CAND1: variants seen among roughly 807,000 people sequenced by gnomAD.
CAND1 encodes the protein cullin-associated NEDD8-dissociated protein 1.
In CAND1, 7 loss-of-function variants were observed where a neutral mutation model predicts 108.5. The ratio of observed to expected loss-of-function variants is 0.06; its 90% confidence interval spans 0.04 to 0.12. The LOEUF is 0.12. Ranked by LOEUF, CAND1 falls within the 10% of genes least tolerant of loss-of-function variation. The pLI is 1.00. For synonymous variants in CAND1, 534 were observed against 512.0 expected, an observed-to-expected ratio of 1.04 and a Z score of -0.58; for missense variants, 941 against 1,448.7, an observed-to-expected ratio of 0.65 and a Z score of 5.69.
In CAND1 at chr12:67,306,573, C is replaced by T. The variant is rs1257495215; in HGVS notation, c.2905C>T (p.Arg969Trp). The stretch of plus-strand genomic sequence containing the variant: ...AATTGATCCAGAAACTCTCCTTCCA[C>T]GGCTTAAGGGGTACTTGATATCAGG... ...TLIDPETLLP[R>W]LKGYLISGSS... The change falls in exon 10 of 15, where the codon CGG becomes TGG. Residue 969 changes from arginine to tryptophan, a missense_variant. Coordinates refer to ENST00000545606, the MANE Select transcript of CAND1 (RefSeq NM_018448.5). 13 of 1,612,548 alleles carry T rather than the reference C, an allele frequency of 8.1e-6. No individual in the cohort carries two copies. The highest frequency in any genetic ancestry group is 3.3e-5 in the Admixed American group (2 of 59,864).
At position 67,306,368 on chromosome 12, in the gene CAND1, T is replaced by G; in HGVS notation, c.2700T>G (p.Thr900=). ...EYLPFVLQEI[T]SQPKRQYLLL... is the part of the protein sequence containing the mutation. ...TGCCGTTTGTCCTGCAAGAAATAAC[T>G]AGTCAACCCAAAAGGCAGTATCTTT... The change falls in exon 10 of 15, where the codon ACT becomes ACG. Residue 900 remains threonine (T), a synonymous_variant. Transcript: ENST00000545606. 1 of 1,614,118 alleles carries G rather than the reference T, an allele frequency of 6.2e-7. No homozygotes were observed. The highest frequency in any genetic ancestry group is 2.2e-5 in the East Asian group (1 of 44,884).
At chr12:67,298,271 A>G (rs573041477) in intron 6 of CAND1, among the ~76,000 whole-genome samples, 42 of 152,256 alleles carry the variant, frequency 2.8e-4, no homozygotes, top group African/African-American at 1.0e-3. Context: ...ATTCTAATAT[A>G]TTTTTTAAAA....
intron 1 of CAND1, chr12:67,270,159 C>G (rs1357851689): frequency 2.1e-5 from 4 of 189,008 alleles, no homozygotes; most frequent in African/African-American, 9.4e-5. Flanking sequence ...GACCGGGCGC[C>G]GGGCCTATTC....
At chr12:67,301,185 C>T (rs1011053753) in intron 7 of CAND1, among the ~76,000 whole-genome samples, 36 of 152,040 alleles carry the variant, frequency 2.4e-4, no homozygotes, top group African/African-American at 8.0e-4. Context: ...AATAAGCAAA[C>T]GTCTTGCATT....
At chr12:67,299,891 A>C (rs915182646) in intron 7 of CAND1, among the ~76,000 whole-genome samples, 36 of 152,232 alleles carry the variant, frequency 2.4e-4, no homozygotes, top group African/African-American at 8.7e-4. Context: ...CTTTGAATGA[A>C]TTTACATAAC....
intron 3 of CAND1, among the ~76,000 whole-genome samples, chr12:67,293,613 C>T (rs1334873485): frequency 3.3e-5 from 5 of 152,012 alleles, no homozygotes; most frequent in Non-Finnish European, 1.5e-5. Flanking sequence ...ATTAGCCGGG[C>T]GTGGTGGTGC....
chr12:67,276,954 C>T (rs1186785973), intron 1 of CAND1, among the ~76,000 whole-genome samples: 3 of 152,162 alleles, frequency 2.0e-5, no homozygotes, highest in Non-Finnish European at 2.9e-5. Context: ...ATGTAGTTTG[C>T]AGTTTAACCA....
Position 67,292,717 on chromosome 12 carries a change from G to A in CAND1, c.308G>A (p.Arg103Gln). The A allele has an allele frequency of 1.2e-6, 2 of 1,613,706 alleles. No individual in the cohort carries two copies. Among genetic ancestry groups the A allele is most frequent in the Non-Finnish European group, 1.7e-6 (2 of 1,179,764 alleles). Reference sequence around the variant, plus strand: ...ATGCTTTCTGATAAAGAACAACTTCGAGACATTTCAAGTATTGGTCTTAAA... The same window carrying A: ...ATGCTTTCTGATAAAGAACAACTTCAAGACATTTCAAGTATTGGTCTTAAA... ...TNMLSDKEQL[R>Q]DISSIGLKTV... is the part of the protein sequence containing the mutation. The change falls in exon 3 of 15, where the codon CGA becomes CAA. Residue 103 changes from arginine (R) to glutamine (Q), a missense_variant. Arg to Gln is a conservative substitution (Grantham distance 43). This residue lies in a region of CAND1 where 44 missense variants were observed against 129.1 expected (regional missense o/e 0.34). Coordinates refer to ENST00000545606, the MANE Select transcript of CAND1 (RefSeq NM_018448.5).
At chr12:67,285,294 G>C (rs1471153921) in intron 2 of CAND1, among the ~76,000 whole-genome samples, 1 of 152,188 alleles carries the variant, frequency 6.6e-6, no homozygotes, top group Non-Finnish European at 1.5e-5. Context: ...TGAACAAGCA[G>C]AGAGATATTT....
Position 67,306,015 on chromosome 12 carries a change from G to A in CAND1, c.2347G>A (p.Val783Ile), listed in dbSNP as rs1278380425. 3 of 1,614,126 alleles carry A rather than the reference G, an allele frequency of 1.9e-6. No homozygotes were observed. In the South Asian group the frequency reaches 3.3e-5, roughly 18 times the overall value. ...TTTGTTGCGCATGCTGACTGGTCCA[G>A]TTTACTCTCAGAGCACAGCTCTTAC... ...MDLLRMLTGP[V>I]YSQSTALTHK... is the part of the protein sequence containing the mutation. Residue 783 changes from valine to isoleucine, a missense_variant, in exon 10 of 15, where the codon GTT becomes ATT. Physicochemically the swap from Val to Ile is conservative, Grantham distance 29. Around this residue, in one of 9 missense-constraint regions of CAND1, gnomAD observed 697 missense variants for 942.0 expected, o/e 0.74. Transcript: ENST00000545606.
chr12:67,281,061 TGAAA>T (rs1565715614), intron 1 of CAND1, among the ~76,000 whole-genome samples: 1 of 151,924 alleles, frequency 6.6e-6, no homozygotes, highest in Non-Finnish European at 1.5e-5. Flanking sequence ...GGCAACATGG[TGAAA>T]CCCTAAAATA....
In CAND1 at chr12:67,313,684, T is replaced by A. The variant is rs2044978221; in HGVS notation, c.*854T>A. ...CTATTATAAATCTTCTTACTTAAAT[T>A]TTGAATATTTAGTTTTTCTCAGTTA... On this transcript the variant is annotated 3_prime_UTR_variant, in exon 15 of 15. Transcript: ENST00000545606. The A allele has an allele frequency of 6.6e-6, 1 of 152,606 alleles. No homozygotes were observed. The highest frequency in any genetic ancestry group is 6.5e-5 in the Admixed American group (1 of 15,282). 9.5% of individuals were successfully genotyped at this position (152,606 alleles called of 1,614,324 possible).
At chr12:67,292,155 C>T (rs2044728357) in intron 2 of CAND1, among the ~76,000 whole-genome samples, 1 of 152,106 alleles carries the variant, frequency 6.6e-6, no homozygotes, top group Admixed American at 6.6e-5. Flanking sequence ...GTATGAGCCA[C>T]TGCATCCGGC....
chr12:67,274,773 T>C (rs1321648166), intron 1 of CAND1, among the ~76,000 whole-genome samples: 1 of 152,198 alleles, frequency 6.6e-6, no homozygotes, highest in Non-Finnish European at 1.5e-5. Context: ...TTAAGTGTTT[T>C]GGATATTGGA....
intron 14 of CAND1, 66 bp downstream of exon 14, chr12:67,311,866 T>C (rs866709482): frequency 1.8e-5 from 16 of 895,490 alleles, no homozygotes; most frequent in Middle Eastern, 4.3e-4. Flanking sequence ...CCAATTCTTT[T>C]CTCTAGCTTT....
At chr12:67,281,023 C>T (rs945354476) in intron 1 of CAND1, among the ~76,000 whole-genome samples, 1 of 151,940 alleles carries the variant, frequency 6.6e-6, no homozygotes, top group African/African-American at 2.4e-5. Flanking sequence ...GGTGGATTCC[C>T]TGAGGTCAGG....
chr12:67,309,662 T>G (rs577684253), intron 11 of CAND1, among the ~76,000 whole-genome samples: 1 of 152,104 alleles, frequency 6.6e-6, no homozygotes, highest in Middle Eastern at 3.4e-3. Flanking sequence ...CTCTGCATTA[T>G]AAGTGCTGAG....
At chr12:67,274,686 C>T (rs2044553058) in intron 1 of CAND1, among the ~76,000 whole-genome samples, 1 of 152,134 alleles carries the variant, frequency 6.6e-6, no homozygotes, top group African/African-American at 2.4e-5. Flanking sequence ...ATAGAATCTT[C>T]TTAAAATAAT....
rs150580541 is a variant in CAND1 at position 67,276,370 on chromosome 12, T to C, written c.69-5540T>C. Among the ~76,000 whole-genome samples, 1,209 of 152,316 alleles carry C rather than the reference T, an allele frequency of 7.9e-3. 9 individuals carry two copies. Among genetic ancestry groups the C allele is most frequent in the Middle Eastern group, 0.037 (11 of 294 alleles). Reference sequence around the variant, plus strand: ...TTTTCCTTCTTGGAATTCTCTTATATGGGCATCCTGACACGAGTTGGGTTT... The same window carrying C: ...TTTTCCTTCTTGGAATTCTCTTATACGGGCATCCTGACACGAGTTGGGTTT... On this transcript the variant is annotated intron_variant, in intron 1 of 14. Transcript: ENST00000545606.
Sources: gnomAD v4.1 joint callset for allele counts (sites outside exome capture counted in the v4.1 genomes callset) on GRCh38, gnomAD v4.1.1 for gene constraint, gnomAD v4.1.1 regional missense constraint, MANE v1.5 for transcripts, NCBI Gene and HGNC (gene_info 2026-07-23, HGNC 2026-07-21) for gene names.